HCN1: variants seen among roughly 807,000 people sequenced by gnomAD.
HCN1 encodes the protein potassium/sodium hyperpolarization-activated cyclic nucleotide-gated channel 1.
A neutral mutation model predicts 78.9 loss-of-function variants in HCN1; 13 were observed. The observed-to-expected ratio is 0.16, with a 90% CI of 0.11 to 0.26. HCN1 has a LOEUF of 0.26. Among genes scored for constraint, HCN1 ranks in the 10% least tolerant of loss-of-function variants. HCN1 has a pLI of 1.00. For synonymous variants in HCN1, 552 were observed against 455.5 expected, an observed-to-expected ratio of 1.21 and a Z score of -2.70; for missense variants, 810 against 1,154.3, an observed-to-expected ratio of 0.70 and a Z score of 4.32.
intron 3 of HCN1, among the ~76,000 whole-genome samples, chr5:45,400,107 G>T (rs1253469062): frequency 6.6e-6 from 1 of 151,860 alleles, no homozygotes; most frequent in Admixed American, 6.6e-5. Context: ...TCCACATAAG[G>T]GTACAGACAA....
At chr5:45,302,209 T>A (rs1745641137) in intron 6 of HCN1, among the ~76,000 whole-genome samples, 1 of 152,062 alleles carries the variant, frequency 6.6e-6, no homozygotes, top group African/African-American at 2.4e-5. Flanking sequence ...GGGACGTGGA[T>A]CATGGTAATG....
At chr5:45,310,903 T>A (rs374546715) in intron 5 of HCN1, among the ~76,000 whole-genome samples, 2 of 152,124 alleles carry the variant, frequency 1.3e-5, no homozygotes, top group Non-Finnish European at 2.9e-5. Flanking sequence ...CCTAGCAAAT[T>A]AATTCAGGAA....
chr5:45,688,558 C>A (rs1166367440), intron 1 of HCN1, among the ~76,000 whole-genome samples: 2 of 152,046 alleles, frequency 1.3e-5, no homozygotes, highest in African/African-American at 4.8e-5. Flanking sequence ...GTTCTCATGA[C>A]CTGCTTGGAG....
rs975750493 is a variant in HCN1, at chr5:45,262,280, G to C, written c.2314C>G (p.Gln772Glu). ...GTCAGGTTGGTGTTGTGAAGCGCCT[G>C]CGTGCTCTTGTGCACTTCATTTTTC... Reference protein sequence around the residue: ...TPKNEVHKSTQALHNTNLTRE... With the variant: ...TPKNEVHKSTEALHNTNLTRE... Residue 772 changes from glutamine (Q) to glutamate (E), a missense_variant, in exon 8 of 8, where the codon CAG becomes GAG. Coordinates refer to ENST00000303230, the MANE Select transcript of HCN1 (RefSeq NM_021072.4). 1.9e-6 allele frequency: 3 copies of C among 1,614,066 alleles called. No homozygotes were observed. The Admixed American group carries it at 5.0e-5, about 27-fold the overall frequency.
At chr5:45,439,818 G>A (rs938683944) in intron 3 of HCN1, among the ~76,000 whole-genome samples, 1 of 151,658 alleles carries the variant, frequency 6.6e-6, no homozygotes, top group Non-Finnish European at 1.5e-5. Context: ...CAAACTTCCT[G>A]GAACAGATGA....
At chr5:45,311,653 A>G (rs1003614824) in intron 5 of HCN1, among the ~76,000 whole-genome samples, 1 of 152,222 alleles carries the variant, frequency 6.6e-6, no homozygotes, top group Non-Finnish European at 1.5e-5. Context: ...TGCCCATAAA[A>G]GGAACAGTTC....
At chr5:45,535,457 G>A (rs1742946180) in intron 2 of HCN1, among the ~76,000 whole-genome samples, 1 of 152,114 alleles carries the variant, frequency 6.6e-6, no homozygotes, top group Non-Finnish European at 1.5e-5. Flanking sequence ...AATTAGCTGG[G>A]TGTGGTGGTG....
At chr5:45,373,644 CTATAA>C (rs1483566376) in intron 4 of HCN1, among the ~76,000 whole-genome samples, 6 of 128,368 alleles carry the variant, frequency 4.7e-5, no homozygotes, top group Admixed American at 4.6e-4. Context: ...TATACGTCAT[CTATAA>C]TATATTACAT....
At chr5:45,367,036 C>A (rs527763214) in intron 4 of HCN1, among the ~76,000 whole-genome samples, 1 of 151,560 alleles carries the variant, frequency 6.6e-6, no homozygotes, top group Non-Finnish European at 1.5e-5. Context: ...TTGTGCTAAT[C>A]CAATGGGGGA....
intron 1 of HCN1, among the ~76,000 whole-genome samples, chr5:45,670,514 C>T (rs950925658): frequency 2.6e-5 from 4 of 151,612 alleles, no homozygotes; most frequent in African/African-American, 9.7e-5. Flanking sequence ...TAAGAATCAT[C>T]CTCAATTAGA....
chr5:45,645,736 A>G, intron 1 of HCN1, 128 bp from the exon 2 acceptor site: 1 of 584,784 alleles, frequency 1.7e-6, no homozygotes, highest in Non-Finnish European at 2.9e-6. Flanking sequence ...TTTATTTTTT[A>G]AAAATGTAAT....
intron 4 of HCN1, among the ~76,000 whole-genome samples, chr5:45,372,948 A>T (rs951369388): frequency 1.4e-5 from 2 of 141,798 alleles, no homozygotes; most frequent in African/African-American, 5.0e-5. Flanking sequence ...AAAATATATA[A>T]GTATTTTATA....
intron 2 of HCN1, among the ~76,000 whole-genome samples, chr5:45,623,874 A>G (rs1384831267): frequency 6.6e-6 from 1 of 152,220 alleles, no homozygotes; most frequent in Non-Finnish European, 1.5e-5. Flanking sequence ...ATTGCTTTAT[A>G]TAAAGTAGTC....
chr5:45,535,738 C>A (rs1249479215), intron 2 of HCN1, among the ~76,000 whole-genome samples: 1 of 142,768 alleles, frequency 7.0e-6, no homozygotes, highest in Non-Finnish European at 1.5e-5. Flanking sequence ...AATTTTCCAT[C>A]ATCTTTTCAG....
chr5:45,392,888 C>G (rs574048689), intron 4 of HCN1, among the ~76,000 whole-genome samples: 2 of 151,920 alleles, frequency 1.3e-5, no homozygotes, highest in Admixed American at 6.6e-5. Flanking sequence ...TTCATATACT[C>G]GATAAACTGA....
At chr5:45,583,281 C>A (rs1166696173) in intron 2 of HCN1, among the ~76,000 whole-genome samples, 1 of 152,118 alleles carries the variant, frequency 6.6e-6, no homozygotes, top group Non-Finnish European at 1.5e-5. Context: ...GGAATTTATC[C>A]ATTTCTTCTA....
At chr5:45,683,132 TTTTA>T (rs138405873) in intron 1 of HCN1, among the ~76,000 whole-genome samples, 40,127 of 150,254 alleles carry the variant, frequency 0.27, 5,298 homozygotes, top group East Asian at 0.31. Context: ...AAATTAATTT[TTTTA>T]TTTTTTTTTA....
intron 1 of HCN1, among the ~76,000 whole-genome samples, chr5:45,687,564 G>A (rs1338507611): frequency 6.6e-6 from 1 of 151,490 alleles, no homozygotes; most frequent in African/African-American, 2.4e-5. Flanking sequence ...TGTTCTTATT[G>A]TGCAGATAAA....
chr5:45,574,070 C>A (rs1428197129), intron 2 of HCN1, among the ~76,000 whole-genome samples: 2 of 151,966 alleles, frequency 1.3e-5, no homozygotes, highest in African/African-American at 2.4e-5. Context: ...GTATATGAAT[C>A]ATAAAATTTT....
Sources: gnomAD v4.1 joint callset for allele counts (sites outside exome capture counted in the v4.1 genomes callset) on GRCh38, gnomAD v4.1.1 for gene constraint, MANE v1.5 for transcripts, NCBI Gene and HGNC (gene_info 2026-07-23, HGNC 2026-07-21) for gene names.